Variants in ZNF827 observed in about 807,000 individuals in gnomAD.
The protein encoded by ZNF827 is zinc finger protein 827.
Under a neutral mutation model 102.4 loss-of-function variants are expected in ZNF827, and 13 were observed. That is an observed-to-expected ratio of 0.13 (90% CI 0.08 to 0.20). The LOEUF (loss-of-function observed/expected upper bound fraction) is 0.20, where lower values mean the gene tolerates loss of function less well. Ranked by LOEUF, ZNF827 falls within the 10% of genes least tolerant of loss-of-function variation. The probability of loss-of-function intolerance (pLI) is 1.00; values close to 1 mark genes in which losing one functional copy is unlikely to be tolerated. For missense variants in ZNF827, 1,103 were observed against 1,344.4 expected (o/e 0.82, Z 2.81); for synonymous variants, 523 against 536.2 (o/e 0.98, Z 0.34).
chr4:145,846,024 A>G lies in ZNF827; in HGVS notation c.2222-11T>C. Reference sequence around the variant, plus strand: ...CTTTGCTCACTTTTTCTGTAAGGAGAAAGAATGAAACATACACCTCTTAGG... The same window carrying G: ...CTTTGCTCACTTTTTCTGTAAGGAGGAAGAATGAAACATACACCTCTTAGG... On this transcript the variant is annotated splice_polypyrimidine_tract_variant and intron_variant, in intron 6 of 14. Coordinates refer to ENST00000508784, the MANE Select transcript of ZNF827 (RefSeq NM_001306215.2). 6.2e-7 allele frequency: 1 copy of G among 1,614,160 alleles called. No individual in the cohort carries two copies.
At chr4:145,789,577 C>T (rs2127045304) in intron 8 of ZNF827, among the ~76,000 whole-genome samples, 1 of 152,284 alleles carries the variant, frequency 6.6e-6, no homozygotes, top group African/African-American at 2.4e-5. Flanking sequence ...AAAGCAAAAA[C>T]AGTATCAGGC....
chr4:145,936,160 T>C (rs1274276177), intron 1 of ZNF827, among the ~76,000 whole-genome samples: 1 of 151,830 alleles, frequency 6.6e-6, no homozygotes, highest in Non-Finnish European at 1.5e-5. Context: ...TCAGGATTCC[T>C]GCCTCCTCTC....
chr4:145,791,777 A>G (rs1276662513), intron 8 of ZNF827, among the ~76,000 whole-genome samples: 1 of 152,210 alleles, frequency 6.6e-6, no homozygotes, highest in Non-Finnish European at 1.5e-5. Flanking sequence ...ATATAATTTC[A>G]TTTAACTCTC....
chr4:145,868,384 T>C (rs1006503909), intron 5 of ZNF827, among the ~76,000 whole-genome samples: 2 of 152,200 alleles, frequency 1.3e-5, no homozygotes, highest in African/African-American at 4.8e-5. Flanking sequence ...AAAATAATTG[T>C]TGTCAGTCTT....
At chr4:145,837,831 G>A (rs1174299363) in intron 7 of ZNF827, among the ~76,000 whole-genome samples, 5 of 151,742 alleles carry the variant, frequency 3.3e-5, no homozygotes, top group South Asian at 2.1e-4. Flanking sequence ...CATTCTATAC[G>A]ACAAATGTTT....
At chr4:145,881,299 A>C (rs574390217) in intron 4 of ZNF827, among the ~76,000 whole-genome samples, 1 of 152,382 alleles carries the variant, frequency 6.6e-6, no homozygotes, top group South Asian at 2.1e-4. Flanking sequence ...TTAGTGCTTT[A>C]AAGAAGTCCA....
chr4:145,859,726 A>C (rs954926984), intron 5 of ZNF827, among the ~76,000 whole-genome samples: 1 of 152,152 alleles, frequency 6.6e-6, no homozygotes, highest in Non-Finnish European at 1.5e-5. Context: ...GAAGAGCCAG[A>C]AACAGCCAAC....
chr4:145,791,724 T>A (rs1739731657), intron 8 of ZNF827, among the ~76,000 whole-genome samples: 1 of 152,348 alleles, frequency 6.6e-6, no homozygotes, highest in South Asian at 2.1e-4. Flanking sequence ...TATTTAGCAC[T>A]GATTTTACTC....
chr4:145,859,723 C>T (rs151039992), intron 5 of ZNF827, among the ~76,000 whole-genome samples: 1 of 152,228 alleles, frequency 6.6e-6, no homozygotes, highest in East Asian at 1.9e-4. Context: ...GCTGAAGAGC[C>T]AGAAACAGCC....
intron 11 of ZNF827, among the ~76,000 whole-genome samples, chr4:145,773,415 T>C (rs553548084): frequency 6.6e-6 from 1 of 152,344 alleles, no homozygotes; most frequent in Non-Finnish European, 1.5e-5. Context: ...GAGATCCTCC[T>C]CTGCTGTGTA....
chr4:145,786,168 G>T (rs1028658132), intron 8 of ZNF827, among the ~76,000 whole-genome samples: 1 of 152,142 alleles, frequency 6.6e-6, no homozygotes, highest in Non-Finnish European at 1.5e-5. Context: ...CAGGGACAAA[G>T]AAAAAGACTT....
rs1366078302 is a variant in ZNF827 at position 145,761,275 on chromosome 4, C to T, written c.*341G>A. The T allele has an allele frequency of 1.1e-5, 14 of 1,289,764 alleles. No homozygotes were observed. Among genetic ancestry groups the T allele is most frequent in the Non-Finnish European group, 1.2e-5 (12 of 988,886 alleles). 79.9% of individuals were successfully genotyped at this position (1,289,764 alleles called of 1,614,324 possible). ...GCACTCTTCGCAGCTGAAGGTCTGG[C>T]GTGGGGCGTGCTTCAGCTTCTTGTG... On this transcript the variant is annotated 3_prime_UTR_variant, in exon 15 of 15. Coordinates refer to ENST00000508784, the MANE Select transcript of ZNF827 (RefSeq NM_001306215.2). The surrounding 1 kb of genome is among the most constrained non-coding windows in gnomAD (Gnocchi z 6.8).
intron 3 of ZNF827, among the ~76,000 whole-genome samples, chr4:145,891,899 T>G (rs187075015): frequency 1.6e-4 from 25 of 152,326 alleles, no homozygotes; most frequent in Admixed American, 8.5e-4. Context: ...GAACTTGGCT[T>G]TCCCTGCTTC....
intron 7 of ZNF827, among the ~76,000 whole-genome samples, chr4:145,841,563 T>C (rs1423042040): frequency 1.3e-5 from 2 of 152,208 alleles, no homozygotes; most frequent in African/African-American, 2.4e-5. Flanking sequence ...TAGAGTGGCA[T>C]TAACAACACT....
At position 145,885,966 on chromosome 4, in the gene ZNF827, C is replaced by T; in HGVS notation, c.1459G>A (p.Gly487Arg). Residue 487 changes from glycine (G) to arginine (R), a missense_variant, in exon 4 of 15, where the codon GGG becomes AGG. Coordinates refer to ENST00000508784, the MANE Select transcript of ZNF827 (RefSeq NM_001306215.2). ...GTCCCTCCTCCTTCCCTTTGCTGCC[C>T]CAGGCAGGCACTGTCACTGAGGTGG... ...SPHLSDSACL[G>R]QQREGGGTEL... is the part of the protein sequence containing the mutation. 1 of 1,614,024 alleles carries T rather than the reference C, an allele frequency of 6.2e-7. No homozygotes were observed. The highest frequency in any genetic ancestry group is 1.1e-5 in the South Asian group (1 of 91,040).
chr4:145,938,280 A>G lies in ZNF827; in HGVS notation c.43+85T>C. On this transcript the variant is annotated intron_variant, in intron 1 of 14. Transcript: ENST00000508784. ...CTCTGTAACCCTAAACTAATGCAGA[A>G]AACAACGGAGGAGGCTGCGGAGGGG... The G allele has an allele frequency of 2.6e-6, 4 of 1,540,672 alleles. No homozygotes were observed. In the South Asian group the frequency reaches 4.5e-5, roughly 17 times the overall value.
At chr4:145,781,879 A>G (rs375086333) in intron 8 of ZNF827, among the ~76,000 whole-genome samples, 2 of 152,264 alleles carry the variant, frequency 1.3e-5, no homozygotes, top group East Asian at 3.8e-4. Context: ...ATTGGGTCAA[A>G]TATCAAATAA....
In ZNF827 at chr4:145,762,023, G is replaced by C. The variant is rs1734596985; in HGVS notation, c.*18-425C>G. On this transcript the variant is annotated intron_variant, in intron 14 of 14. Coordinates refer to ENST00000508784, the MANE Select transcript of ZNF827 (RefSeq NM_001306215.2). This position sits in a 1 kb window ranked among gnomAD's most constrained non-coding sequence, Gnocchi z 4.9. ...CTAGATGGGAGCAACACAAAGAATC[G>C]ACTTTTCATGCACCACACCAAGCAC... 6.6e-6 allele frequency among the ~76,000 whole-genome samples: 1 copy of C among 152,002 alleles called. No homozygotes were observed. Among genetic ancestry groups the C allele is most frequent in the African/African-American group, 2.4e-5 (1 of 41,378 alleles).
In ZNF827 at chr4:145,775,824, T is replaced by G; in HGVS notation, c.2658A>C (p.Glu886Asp). The G allele has an allele frequency of 6.2e-7, 1 of 1,614,196 alleles. No homozygotes were observed. The highest frequency in any genetic ancestry group is 8.5e-7 in the Non-Finnish European group (1 of 1,180,028). Residue 886 changes from glutamate (E) to aspartate (D), a missense_variant, in exon 10 of 15, where the codon GAA (glutamate) becomes GAC (aspartate). Coordinates refer to ENST00000508784, the MANE Select transcript of ZNF827 (RefSeq NM_001306215.2). ...TEDIVSAVTS[E>D]GSDGKKHPYY... ...AAGGATGTTTCTTCCCATCACTGCC[T>G]TCAGAGGTGACGGCGCTGACAATGT...
Sources: allele counts gnomAD v4.1 joint callset (sites outside exome capture counted in the v4.1 genomes callset), GRCh38; gene constraint gnomAD v4.1.1; non-coding constraint Gnocchi (gnomAD v3.1); transcripts MANE v1.5; gene names NCBI Gene and HGNC (gene_info 2026-07-23, HGNC 2026-07-21).